HECW1: variants seen among roughly 807,000 people sequenced by gnomAD.
The protein encoded by HECW1 is HECT, C2 and WW domain containing E3 ubiquitin protein ligase 1, also known as E3 ubiquitin-protein ligase HECW1.
Under a neutral mutation model 182.3 loss-of-function variants are expected in HECW1, and 61 were observed. The ratio of observed to expected loss-of-function variants is 0.33; its 90% CI spans 0.27 to 0.41. The LOEUF is 0.41. Ranked by LOEUF, HECW1 falls within the 10% of genes least tolerant of loss-of-function variation. HECW1 has a pLI of 1.00. For missense variants in HECW1, 1,739 were observed against 2,108.9 expected (o/e 0.82, Z 3.44); for synonymous variants, 859 against 832.6 (o/e 1.03, Z -0.55).
At chr7:43,131,306 T>C (rs573239026) in intron 2 of HECW1, among the ~76,000 whole-genome samples, 128 of 152,288 alleles carry the variant, frequency 8.4e-4, no homozygotes, top group Non-Finnish European at 1.4e-3. Flanking sequence ...CAAGTTTGTG[T>C]GAAAAGTATT....
intron 20 of HECW1, 33 bp downstream of exon 20, chr7:43,500,815 A>T (rs1244329400): frequency 1.3e-6 from 2 of 1,564,618 alleles, no homozygotes; most frequent in South Asian, 1.1e-5. Context: ...CTTCTGGAAA[A>T]GCTTCCCTGG....
chr7:43,393,818 G>A (rs927099735), intron 6 of HECW1, among the ~76,000 whole-genome samples: 1 of 151,954 alleles, frequency 6.6e-6, no homozygotes, highest in Non-Finnish European at 1.5e-5. Flanking sequence ...AGGAATAAAT[G>A]TACCATCCTT....
chr7:43,555,758 G>A (rs2081995667), intron 29 of HECW1, among the ~76,000 whole-genome samples: 1 of 152,172 alleles, frequency 6.6e-6, no homozygotes, highest in African/African-American at 2.4e-5. Flanking sequence ...CCTGGTGCAG[G>A]CTTCAGCCCT....
chr7:43,180,947 C>G (rs896797080), intron 2 of HECW1, among the ~76,000 whole-genome samples: 2 of 152,138 alleles, frequency 1.3e-5, no homozygotes, highest in Non-Finnish European at 2.9e-5. Context: ...ACTTATTCCT[C>G]CTATCTAACT....
At chr7:43,523,162 C>A (rs1328013232) in intron 24 of HECW1, 3 of 291,850 alleles carry the variant, frequency 1.0e-5, no homozygotes, top group Admixed American at 4.1e-5. Context: ...TGCCACCAGG[C>A]CCGGCTAATT....
chr7:43,550,643 C>T (rs546382666), intron 27 of HECW1, 52 bp downstream of exon 27: 13 of 1,529,552 alleles, frequency 8.5e-6, no homozygotes, highest in East Asian at 7.3e-5. Context: ...TGCTGCTTCA[C>T]GGGGCCTCAT....
At chr7:43,238,342 C>G (rs1456625134) in intron 2 of HECW1, among the ~76,000 whole-genome samples, 1 of 152,186 alleles carries the variant, frequency 6.6e-6, no homozygotes, top group African/African-American at 2.4e-5. Flanking sequence ...CACCTTGGCT[C>G]CAGGACCCAG....
rs541743575 is a variant in HECW1 at position 43,281,229 on chromosome 7, G to A, written c.28-30534G>A. On this transcript the variant is annotated intron_variant, in intron 3 of 29. Coordinates refer to ENST00000395891, the MANE Select transcript of HECW1 (RefSeq NM_015052.5). ...GGAAGCCCCAGCCCGAATCATTTGC[G>A]TCATGGCCATCACTGTCTCAGGCTC... is the stretch of plus-strand genomic sequence containing the variant. Among the ~76,000 whole-genome samples the A allele has an allele frequency of 3.1e-4, 47 of 152,202 alleles. 1 individual carries two copies. The South Asian group carries it at 6.0e-3, about 20-fold the overall frequency.
intron 2 of HECW1, among the ~76,000 whole-genome samples, chr7:43,197,430 T>C (rs1794566639): frequency 2.6e-5 from 4 of 152,162 alleles, no homozygotes; most frequent in Admixed American, 2.6e-4. Flanking sequence ...GAGGCATTGA[T>C]TAGCCCCCTG....
chr7:43,381,701 T>G (rs2074558473), intron 6 of HECW1, among the ~76,000 whole-genome samples: 1 of 152,032 alleles, frequency 6.6e-6, no homozygotes, highest in South Asian at 2.1e-4. Context: ...TTTTTGTATT[T>G]TCAGTAGAGA....
At chr7:43,248,156 G>C (rs763909516) in intron 3 of HECW1, among the ~76,000 whole-genome samples, 3 of 152,074 alleles carry the variant, frequency 2.0e-5, no homozygotes, top group Admixed American at 1.3e-4. Context: ...GAAGAAGAAA[G>C]AGAGAGGAGC....
intron 26 of HECW1, among the ~76,000 whole-genome samples, chr7:43,544,411 C>T (rs2081478748): frequency 6.6e-6 from 1 of 152,142 alleles, no homozygotes; most frequent in Admixed American, 6.5e-5. Context: ...TAAATTAACG[C>T]TATAGTGAGA....
intron 6 of HECW1, among the ~76,000 whole-genome samples, chr7:43,362,539 C>T (rs1251158474): frequency 1.3e-5 from 2 of 152,188 alleles, no homozygotes; most frequent in African/African-American, 4.8e-5. Context: ...CTCAGAGTGC[C>T]AGAACCTCTC....
At chr7:43,488,101 G>A (rs1585058752) in intron 17 of HECW1, among the ~76,000 whole-genome samples, 1 of 152,034 alleles carries the variant, frequency 6.6e-6, no homozygotes, top group East Asian at 1.9e-4. Context: ...CCTGAAGTCA[G>A]GAGTTCAAAA....
intron 2 of HECW1, among the ~76,000 whole-genome samples, chr7:43,136,972 G>C (rs1787608632): frequency 6.6e-6 from 1 of 152,076 alleles, no homozygotes; most frequent in African/African-American, 2.4e-5. Context: ...ACTTTTCCTG[G>C]TAATGACATT....
Position 43,283,942 on chromosome 7 carries a change from G to A in HECW1, c.28-27821G>A, listed in dbSNP as rs143744500. Reference sequence around the variant, plus strand: ...CAGCTGCGGCTGCCTTGAGTGTCAGGAGTGGAACAGCCACACCTCTTCCCA... The same window carrying A: ...CAGCTGCGGCTGCCTTGAGTGTCAGAAGTGGAACAGCCACACCTCTTCCCA... On this transcript the variant is annotated intron_variant, in intron 3 of 29. Coordinates refer to ENST00000395891, the MANE Select transcript of HECW1 (RefSeq NM_015052.5). 6.1e-3 allele frequency among the ~76,000 whole-genome samples: 934 copies of A among 152,300 alleles called. 12 individuals are homozygous for A. The highest frequency in any genetic ancestry group is 0.021 in the African/African-American group (874 of 41,562).
intron 2 of HECW1, among the ~76,000 whole-genome samples, chr7:43,238,516 A>G (rs1028959319): frequency 6.6e-6 from 1 of 152,230 alleles, no homozygotes; most frequent in Non-Finnish European, 1.5e-5. Context: ...GGACCAGTCT[A>G]TCTACAAACA....
At chr7:43,193,480 C>A (rs1794139354) in intron 2 of HECW1, among the ~76,000 whole-genome samples, 2 of 152,132 alleles carry the variant, frequency 1.3e-5, no homozygotes, top group South Asian at 4.1e-4. Context: ...CTCCGGGGTT[C>A]AAACAATTCT....
chr7:43,360,652 A>T (rs946551579), intron 5 of HECW1, among the ~76,000 whole-genome samples: 8 of 152,344 alleles, frequency 5.3e-5, no homozygotes, highest in Non-Finnish European at 1.0e-4. Context: ...AGAAGTCTAA[A>T]TAATGGACTT....
Sources: gnomAD v4.1 joint callset for allele counts (sites outside exome capture counted in the v4.1 genomes callset) on GRCh38, gnomAD v4.1.1 for gene constraint, MANE v1.5 for transcripts, NCBI Gene and HGNC (gene_info 2026-07-23, HGNC 2026-07-21) for gene names.